NCOA6: variants seen among roughly 807,000 people sequenced by gnomAD.
NCOA6 encodes NRC RAP250.
NCOA6 carries 49 observed loss-of-function variants against 171.4 expected under a neutral mutation model. That is an observed-to-expected ratio of 0.29 (90% CI 0.23 to 0.36). NCOA6 has a LOEUF of 0.36. Ranked by LOEUF, NCOA6 falls within the 10% of genes least tolerant of loss-of-function variation. NCOA6 has a pLI of 1.00. For missense variants in NCOA6, 2,248 were observed against 2,554.5 expected, an observed-to-expected ratio of 0.88 and a Z score of 2.59; for synonymous variants, 910 against 927.5, an observed-to-expected ratio of 0.98 and a Z score of 0.34.
intron 3 of NCOA6, among the ~76,000 whole-genome samples, chr20:34,780,507 A>G (rs745598913): frequency 4.6e-5 from 7 of 151,874 alleles, no homozygotes; most frequent in Non-Finnish European, 1.0e-4. Context: ...ACCTGCCAGC[A>G]CGCCTGACTA....
At position 34,742,307 on chromosome 20, in the gene NCOA6, T is replaced by C; in HGVS notation, c.3949A>G (p.Asn1317Asp). The part of the protein sequence containing the change: ...SVVVNSGKQS[N>D]SGATKRASPS... Reference sequence around the variant, plus strand: ...CTTGCCCGTTTTGTTGCTCCAGAATTAGACTGCTTTCCAGAATTCACTACC... The same window carrying C: ...CTTGCCCGTTTTGTTGCTCCAGAATCAGACTGCTTTCCAGAATTCACTACC... The change falls in exon 11 of 15, where the codon AAT becomes GAT. Residue 1317 changes from asparagine to aspartate, a missense_variant. Physicochemically the swap from Asn to Asp is conservative, Grantham distance 23. Around this residue, in one of 7 missense-constraint regions of NCOA6, gnomAD observed 884 missense variants for 941.9 expected, o/e 0.94. Transcript: ENST00000359003. 1.2e-6 allele frequency: 2 copies of C among 1,614,234 alleles called. No individual in the cohort carries two copies. The highest frequency in any genetic ancestry group is 1.1e-5 in the South Asian group (1 of 91,086).
chr20:34,775,409 C>T (rs548937879), intron 4 of NCOA6, among the ~76,000 whole-genome samples: 14 of 151,804 alleles, frequency 9.2e-5, no homozygotes, highest in South Asian at 4.2e-4. Flanking sequence ...ATGAACACTG[C>T]GGGCCGGCGT....
At chr20:34,736,664 A>C (rs746588559) in intron 12 of NCOA6, 26 bp downstream of exon 12, 1 of 1,587,410 alleles carries the variant, frequency 6.3e-7, no homozygotes, top group Non-Finnish European at 8.6e-7. Flanking sequence ...TCCCACTCCA[A>C]GAAGTTTTTC....
intron 1 of NCOA6, among the ~76,000 whole-genome samples, chr20:34,795,308 T>C (rs1601066800): frequency 6.6e-6 from 1 of 152,310 alleles, no homozygotes; most frequent in Middle Eastern, 3.4e-3. Flanking sequence ...TGGGAAGATG[T>C]GACAGTCACC....
chr20:34,789,066 A>G (rs113879484), intron 2 of NCOA6, among the ~76,000 whole-genome samples: 6 of 152,268 alleles, frequency 3.9e-5, no homozygotes, highest in African/African-American at 1.4e-4. Flanking sequence ...AACTTACAAA[A>G]AAGTATATAC....
chr20:34,782,495 TTAA>T (rs2077539721), intron 2 of NCOA6, 91 bp from the exon 3 acceptor site: 1 of 339,374 alleles, frequency 2.9e-6, no homozygotes. Context: ...TATAATTTAT[TTAA>T]TAAGAAAATA....
Position 34,741,850 on chromosome 20 carries a change from T to C in NCOA6, c.4406A>G (p.Lys1469Arg). ...KKDGQPSDPN[K>R]LPSVEENKNL... ...TTTGTTCTCTTCGACACTGGGAAGT[T>C]TGTTAGGATCCGAAGGCTGCCCATC... is the stretch of plus-strand genomic sequence containing the variant. The change falls in exon 11 of 15, where the codon AAA becomes AGA. Residue 1469 changes from lysine to arginine, a missense_variant. Coordinates refer to ENST00000359003, the MANE Select transcript of NCOA6 (RefSeq NM_014071.5). The C allele has an allele frequency of 5.6e-6, 9 of 1,614,192 alleles. No individual in the cohort carries two copies. Among genetic ancestry groups the C allele is most frequent in the Non-Finnish European group, 7.6e-6 (9 of 1,180,032 alleles).
chr20:34,719,545 C>T (rs949334787), intron 14 of NCOA6, among the ~76,000 whole-genome samples: 1 of 151,740 alleles, frequency 6.6e-6, no homozygotes, highest in African/African-American at 2.4e-5. Context: ...CCAGGAGAAT[C>T]ACTTGAACCC....
In NCOA6 at chr20:34,726,180, G is replaced by T. The variant is rs952386183; in HGVS notation, c.6148+1079C>A. ...CAACAGAGAACACTCACAGGGTAAGGTTCTTAAGAAGGTCAGAGGAGATGG... is the reference window on the plus strand; with the variant it reads ...CAACAGAGAACACTCACAGGGTAAGTTTCTTAAGAAGGTCAGAGGAGATGG... On this transcript the variant is annotated intron_variant, in intron 14 of 14. Coordinates refer to ENST00000359003, the MANE Select transcript of NCOA6 (RefSeq NM_014071.5). 4.6e-5 allele frequency among the ~76,000 whole-genome samples: 7 copies of T among 152,194 alleles called. No homozygotes were observed. The East Asian group carries it at 1.3e-3, about 29-fold the overall frequency.
intron 5 of NCOA6, among the ~76,000 whole-genome samples, chr20:34,759,886 C>A (rs1197994457): frequency 6.6e-6 from 1 of 151,918 alleles, no homozygotes; most frequent in Non-Finnish European, 1.5e-5. Context: ...GTGGTTATAC[C>A]AATTTATACT....
intron 1 of NCOA6, among the ~76,000 whole-genome samples, chr20:34,798,096 G>T (rs147218707): frequency 1.3e-5 from 2 of 152,220 alleles, no homozygotes; most frequent in African/African-American, 4.8e-5. Flanking sequence ...CTGTCCTGAA[G>T]GGAGAGTCCT....
chr20:34,812,002 C>A (rs2078679656), intron 1 of NCOA6, among the ~76,000 whole-genome samples: 1 of 152,074 alleles, frequency 6.6e-6, no homozygotes, highest in Non-Finnish European at 1.5e-5. Context: ...GTAATCCCAG[C>A]ACTTTGGGAG....
intron 1 of NCOA6, among the ~76,000 whole-genome samples, chr20:34,795,608 A>T (rs1040915994): frequency 6.6e-6 from 1 of 152,216 alleles, no homozygotes; most frequent in Non-Finnish European, 1.5e-5. Context: ...TGGGGGAAAA[A>T]ATAGGGGAAG....
intron 1 of NCOA6, among the ~76,000 whole-genome samples, chr20:34,814,007 T>TA (rs2078753614): frequency 6.6e-6 from 1 of 152,084 alleles, no homozygotes; most frequent in Admixed American, 6.6e-5. Context: ...AAAAGATTTA[T>TA]AAAAAGATGT....
At chr20:34,777,997 T>C (rs984492085) in intron 3 of NCOA6, among the ~76,000 whole-genome samples, 1 of 152,112 alleles carries the variant, frequency 6.6e-6, no homozygotes, top group Non-Finnish European at 1.5e-5. Flanking sequence ...AACCTCCGCC[T>C]CCCAGGTTCG....
In NCOA6 at chr20:34,742,953, C is replaced by T. The variant is rs369973823; in HGVS notation, c.3303G>A (p.Val1101=). The T allele has an allele frequency of 1.4e-4, 222 of 1,613,940 alleles. No individual in the cohort carries two copies. The highest frequency in any genetic ancestry group is 1.9e-4 in the Non-Finnish European group (219 of 1,179,956). The stretch of plus-strand genomic sequence containing the variant: ...TTGAATTGCTTCCCAAGGGAGTATT[C>T]ACAGGCATTGGCATTCTTTGTTTAT... ...SPDKQRMPMP[V]NTPLGSNSRK... Residue 1101 remains valine (V), a synonymous_variant, in exon 11 of 15, where the codon GTG becomes GTA. Transcript: ENST00000359003.
chr20:34,740,600 G>T lies in NCOA6; in HGVS notation c.5656C>A (p.Leu1886Met), dbSNP rs778928429. The T allele has an allele frequency of 3.7e-6, 6 of 1,614,090 alleles. No individual in the cohort carries two copies. The East Asian group carries it at 1.3e-4, about 36-fold the overall frequency. The change falls in exon 11 of 15, where the codon CTG (leucine) becomes ATG (methionine). Residue 1886 changes from leucine (L) to methionine (M), a missense_variant. Coordinates refer to ENST00000359003, the MANE Select transcript of NCOA6 (RefSeq NM_014071.5). ...ACAGGGCTAGAGGTCATTTTTAGCA[G>T]AGTGGGTGCTGGGGGCGTTGGGGTT... ...SKTPTPPAPT[L>M]LKMTSSPVGP...
chr20:34,814,720 T>C (rs1378427261), intron 1 of NCOA6, among the ~76,000 whole-genome samples: 1 of 152,164 alleles, frequency 6.6e-6, no homozygotes, highest in Non-Finnish European at 1.5e-5. Flanking sequence ...GCCTCCCAAG[T>C]AGCTGGGATT....
At chr20:34,763,981 T>C (rs1241087906) in intron 5 of NCOA6, among the ~76,000 whole-genome samples, 1 of 151,194 alleles carries the variant, frequency 6.6e-6, no homozygotes, top group Non-Finnish European at 1.5e-5. Flanking sequence ...CTCATTTGTT[T>C]ACTGCCGTTT....
Sources: gnomAD v4.1 joint callset for allele counts (sites outside exome capture counted in the v4.1 genomes callset) on GRCh38, gnomAD v4.1.1 for gene constraint, gnomAD v4.1.1 regional missense constraint, MANE v1.5 for transcripts, NCBI Gene and HGNC (gene_info 2026-07-23, HGNC 2026-07-21) for gene names.